KLRG1: variants seen among roughly 807,000 people sequenced by gnomAD.
KLRG1 encodes killer cell lectin like receptor G1, also known as killer cell lectin-like receptor subfamily G member 1.
A neutral mutation model predicts 21.8 loss-of-function variants in KLRG1; 16 were observed. That is an observed-to-expected ratio of 0.73 (90% CI 0.50 to 1.11). The LOEUF is 1.11. KLRG1 is among the 50% of genes most tolerant of loss of function. KLRG1 has a pLI of 0.00. For synonymous variants in KLRG1, 69 were observed against 75.9 expected (o/e 0.91, Z 0.47); for missense variants, 173 against 218.3 (o/e 0.79, Z 1.31).
the KLRG1 span, among the ~76,000 whole-genome samples, chr12:9,140,411 T>C: frequency 1.3e-5 from 2 of 152,154 alleles, no homozygotes; most frequent in Non-Finnish European, 2.9e-5. Context: ...TTGGTTGAGA[T>C]AGAAGCAACA....
the KLRG1 span, among the ~76,000 whole-genome samples, chr12:9,030,069 TTTAA>T: frequency 6.6e-6 from 1 of 152,206 alleles, no homozygotes; most frequent in African/African-American, 2.4e-5. Context: ...TTAAGCTGGC[TTTAA>T]TTATTATTTG....
intron 1 of KLRG1, among the ~76,000 whole-genome samples, chr12:8,968,888 A>G (rs1334276706): frequency 6.6e-6 from 1 of 152,264 alleles, no homozygotes. Context: ...TAAATTACCA[A>G]TATTTTGAAT....
rs751177216 is a variant in KLRG1 at position 9,009,446 on chromosome 12, T to G, written c.479T>G (p.Val160Gly). 6.2e-7 allele frequency: 1 copy of G among 1,613,942 alleles called. No individual in the cohort carries two copies. Among genetic ancestry groups the G allele is most frequent in the Non-Finnish European group, 8.5e-7 (1 of 1,179,920 alleles). The change falls in exon 5 of 5, where the codon GTG (valine) becomes GGG (glycine). Residue 160 changes from valine to glycine, a missense_variant. Physicochemically the swap from Val to Gly is moderately radical, Grantham distance 109 (BLOSUM62 -3). This residue lies in a region of KLRG1 where 26 missense variants were observed against 36.9 expected (regional missense o/e 0.70). Transcript: ENST00000356986. ...NFSRISSNSFVQTCGAINKNG... is the reference protein window; with the variant it reads ...NFSRISSNSFGQTCGAINKNG... ...TACAGGATTTCTTCTAATAGCTTTG[T>G]GCAGACATGCGGTGCCATCAACAAA...
the KLRG1 span, among the ~76,000 whole-genome samples, chr12:9,213,087 TC>T: frequency 6.6e-6 from 1 of 152,230 alleles, no homozygotes; most frequent in African/African-American, 2.4e-5. Flanking sequence ...TTGTGTGGCT[TC>T]TTTCACATAG....
chr12:9,060,510 T>A, the KLRG1 span, among the ~76,000 whole-genome samples: 1 of 152,176 alleles, frequency 6.6e-6, no homozygotes, highest in East Asian at 1.9e-4. Context: ...TGGGCGCCTA[T>A]AGTTCCAGCT....
the KLRG1 span, among the ~76,000 whole-genome samples, chr12:9,208,065 G>A: frequency 2.6e-5 from 4 of 152,152 alleles, no homozygotes; most frequent in East Asian, 5.8e-4. Flanking sequence ...ACTCTGATTG[G>A]CCCAGTGTAG....
the KLRG1 span, chr12:9,160,269 A>G: frequency 2.0e-6 from 3 of 1,527,680 alleles, no homozygotes; most frequent in Admixed American, 2.0e-5. Context: ...AATTGGGAAA[A>G]GTTTCATTAG....
chr12:9,169,131 T>C, the KLRG1 span, among the ~76,000 whole-genome samples: 1 of 151,980 alleles, frequency 6.6e-6, no homozygotes, highest in Admixed American at 6.6e-5. Flanking sequence ...TTACTAAACT[T>C]ATGGATTATT....
At chr12:9,151,043 T>C in the KLRG1 span, among the ~76,000 whole-genome samples, 1 of 152,346 alleles carries the variant, frequency 6.6e-6, no homozygotes, top group South Asian at 2.1e-4. Context: ...AAACATGGTT[T>C]CATACAATCT....
At chr12:9,077,579 T>TTTAAGGTTATATTAA in the KLRG1 span, 1 of 1,506,906 alleles carries the variant, frequency 6.6e-7, no homozygotes. Flanking sequence ...TCTTTTTTGG[T>TTTAAGGTTATATTAA]GCCATCCAGG....
chr12:9,124,979 G>C, the KLRG1 span, among the ~76,000 whole-genome samples: 6 of 152,234 alleles, frequency 3.9e-5, no homozygotes, highest in Admixed American at 6.5e-5. Flanking sequence ...CTCGGGCTCA[G>C]GCAGAGCAAG....
chr12:9,161,701 T>C, the KLRG1 span, among the ~76,000 whole-genome samples: 1 of 152,224 alleles, frequency 6.6e-6, no homozygotes, highest in South Asian at 2.1e-4. Flanking sequence ...ATACCTTAAA[T>C]TAGTCCTTCT....
At chr12:9,077,421 C>T in the KLRG1 span, 2 of 1,611,936 alleles carry the variant, frequency 1.2e-6, no homozygotes, top group Admixed American at 3.3e-5. Context: ...CTACTCCTCC[C>T]TGTGAATACG....
At chr12:9,054,685 A>G in the KLRG1 span, among the ~76,000 whole-genome samples, 2 of 152,146 alleles carry the variant, frequency 1.3e-5, no homozygotes, top group Non-Finnish European at 2.9e-5. Context: ...CCTTGGTTAT[A>G]TTGATTAGCC....
the KLRG1 span, among the ~76,000 whole-genome samples, chr12:9,177,321 C>G: frequency 6.6e-6 from 1 of 152,190 alleles, no homozygotes; most frequent in Non-Finnish European, 1.5e-5. Flanking sequence ...TGGTGAGGAA[C>G]TGAGGCCTCC....
the KLRG1 span, among the ~76,000 whole-genome samples, chr12:9,139,812 T>A: frequency 1.3e-5 from 2 of 151,422 alleles, no homozygotes; most frequent in Admixed American, 6.6e-5. Context: ...AAAGACAGGT[T>A]TATTTTGGAG....
intron 1 of KLRG1, among the ~76,000 whole-genome samples, chr12:8,978,236 G>A (rs1183091941): frequency 6.6e-6 from 1 of 152,148 alleles, no homozygotes; most frequent in East Asian, 1.9e-4. Flanking sequence ...GTTTCAACTT[G>A]AAGGACTTCC....
At chr12:8,998,011 A>G (rs1397823389) in intron 3 of KLRG1, among the ~76,000 whole-genome samples, 3 of 152,024 alleles carry the variant, frequency 2.0e-5, no homozygotes, top group Admixed American at 6.6e-5. Flanking sequence ...CAACATCCCC[A>G]TTTTGTTGGT....
At chr12:9,121,961 C>A in the KLRG1 span, among the ~76,000 whole-genome samples, 84 of 152,294 alleles carry the variant, frequency 5.5e-4, no homozygotes, top group African/African-American at 1.9e-3. The surrounding 1 kb of genome is among the most constrained non-coding windows in gnomAD (Gnocchi z 4.4). Context: ...GGAGCATGAT[C>A]TATTTTGTCT....
Sources: allele counts gnomAD v4.1 joint callset (sites outside exome capture counted in the v4.1 genomes callset), GRCh38; gene constraint gnomAD v4.1.1; regional missense constraint gnomAD v4.1.1; non-coding constraint Gnocchi (gnomAD v3.1); transcripts MANE v1.5; gene names NCBI Gene and HGNC (gene_info 2026-07-23, HGNC 2026-07-21).